FRMPD4: variants seen among roughly 807,000 people sequenced by gnomAD.
FRMPD4 encodes the protein FERM and PDZ domain-containing protein 4.
Under a neutral mutation model 94.1 loss-of-function variants are expected in FRMPD4, and 22 were observed. The ratio of observed to expected loss-of-function variants is 0.23; its 90% CI spans 0.17 to 0.33. FRMPD4 has a LOEUF of 0.33. Among genes scored for constraint, FRMPD4 ranks in the 10% least tolerant of loss-of-function variants. The pLI is 1.00. For synonymous variants in FRMPD4, 631 were observed against 548.6 expected (o/e 1.15, Z -2.10); for missense variants, 1,111 against 1,339.9 (o/e 0.83, Z 2.67).
At chrX:12,292,983 T>A (rs761439223) in intron 1 of FRMPD4, among the ~76,000 whole-genome samples, 5 of 109,801 alleles carry the variant, frequency 4.6e-5, no homozygotes, top group African/African-American at 1.7e-4. Flanking sequence ...TTTTTTTTTT[T>A]AATGAGAGCT....
intron 1 of FRMPD4, among the ~76,000 whole-genome samples, chrX:12,217,121 T>C (rs1297142770): frequency 8.9e-6 from 1 of 112,232 alleles, no homozygotes; most frequent in Non-Finnish European, 1.9e-5. Flanking sequence ...CAACTAAAAA[T>C]GTCAGTGGAC....
At chrX:12,271,492 A>G (rs768366689) in intron 1 of FRMPD4, among the ~76,000 whole-genome samples, 7 of 112,000 alleles carry the variant, frequency 6.3e-5, no homozygotes, top group African/African-American at 1.9e-4. Context: ...TTTTCTGCGT[A>G]GGTGTGGGAT....
intron 3 of FRMPD4, among the ~76,000 whole-genome samples, chrX:12,132,236 AG>A (rs1301135719): frequency 3.4e-5 from 3 of 87,788 alleles, no homozygotes; most frequent in Non-Finnish European, 4.4e-5. Context: ...GAGGTTTAGG[AG>A]GGAAAAAAAA....
At position 12,548,614 on chromosome X, in the gene FRMPD4, C is replaced by T. The variant is rs934406512; in HGVS notation, c.158+49818C>T. Among the ~76,000 whole-genome samples, 4 of 112,712 alleles carry T rather than the reference C, an allele frequency of 3.5e-5. No homozygotes were observed. The East Asian group carries it at 8.3e-4, about 23-fold the overall frequency. ...CCTTGGTTCTCACTACAAGGTGTCACTAAGGCACAGCATTCATTTCCAATG... is the reference window on the plus strand; with the variant it reads ...CCTTGGTTCTCACTACAAGGTGTCATTAAGGCACAGCATTCATTTCCAATG... On this transcript the variant is annotated intron_variant, in intron 2 of 16. Transcript: ENST00000675598.
intron 8 of FRMPD4, among the ~76,000 whole-genome samples, chrX:12,691,273 GTTTT>G (rs1239791791): frequency 9.2e-6 from 1 of 108,541 alleles, no homozygotes; most frequent in African/African-American, 3.4e-5. Flanking sequence ...TGTTGTTGTT[GTTTT>G]GTTTTGTTTT....
At chrX:12,539,897 G>A (rs1312580363) in intron 2 of FRMPD4, among the ~76,000 whole-genome samples, 4 of 112,284 alleles carry the variant, frequency 3.6e-5, no homozygotes, top group Admixed American at 9.4e-5. Flanking sequence ...GCCTCCCAAA[G>A]TGCTGGGATT....
intron 1 of FRMPD4, among the ~76,000 whole-genome samples, chrX:12,404,822 A>AATAG (rs984066084): frequency 8.9e-6 from 1 of 111,978 alleles, no homozygotes; most frequent in African/African-American, 3.2e-5. Context: ...CCAAATAGAA[A>AATAG]ATAGATTCAG....
intron 1 of FRMPD4, among the ~76,000 whole-genome samples, chrX:12,219,146 T>A (rs1021414585): frequency 9.0e-6 from 1 of 111,295 alleles, no homozygotes; most frequent in African/African-American, 3.3e-5. Context: ...AGATGGGAGG[T>A]TCACCCGATC....
chrX:11,857,935 C>CA (rs1400885538), intron 1 of FRMPD4, among the ~76,000 whole-genome samples: 12 of 111,959 alleles, frequency 1.1e-4, no homozygotes, highest in Non-Finnish European at 2.3e-4. Context: ...TACATGTAGC[C>CA]AACAATCATA....
chrX:12,205,439 G>A (rs2056681299), intron 1 of FRMPD4, among the ~76,000 whole-genome samples: 1 of 112,047 alleles, frequency 8.9e-6, no homozygotes, highest in Non-Finnish European at 1.9e-5. Context: ...AAGGTAAGAG[G>A]ATTCTTATTT....
intron 3 of FRMPD4, 77 bp downstream of exon 3, chrX:12,609,958 A>T (rs1216409812): frequency 2.1e-6 from 2 of 942,665 alleles, no homozygotes; most frequent in African/African-American, 1.9e-5. Context: ...GTTCAGTTTC[A>T]TAAGTGTCCA....
At chrX:11,893,767 A>G (rs146130387) in intron 3 of FRMPD4, among the ~76,000 whole-genome samples, 10 of 111,562 alleles carry the variant, frequency 9.0e-5, no homozygotes, top group Non-Finnish European at 1.9e-4. Flanking sequence ...TGCAACTACC[A>G]TCCAAGGATT....
intron 3 of FRMPD4, among the ~76,000 whole-genome samples, chrX:12,061,784 T>C (rs2054888271): frequency 8.9e-6 from 1 of 111,880 alleles, no homozygotes; most frequent in Admixed American, 9.5e-5. Context: ...TTCATGCATT[T>C]TTCTGTTCCA....
chrX:12,453,929 T>G (rs1012478001), intron 1 of FRMPD4, among the ~76,000 whole-genome samples: 19 of 112,555 alleles, frequency 1.7e-4, no homozygotes, highest in Admixed American at 1.0e-3. Context: ...CATTCAAATT[T>G]TATTCTTCTG....
intron 1 of FRMPD4, among the ~76,000 whole-genome samples, chrX:12,339,619 A>T (rs2055578373): frequency 9.8e-6 from 1 of 101,870 alleles, no homozygotes; most frequent in Non-Finnish European, 2.0e-5. Flanking sequence ...AGTTTAATGA[A>T]TTTTTTTTTT....
At chrX:11,980,014 C>A (rs2054388818) in intron 3 of FRMPD4, among the ~76,000 whole-genome samples, 1 of 111,686 alleles carries the variant, frequency 9.0e-6, no homozygotes, top group South Asian at 3.7e-4. Flanking sequence ...TGTGTGTGTG[C>A]ACGCACGCTC....
At chrX:12,181,880 C>T (rs900329119) in intron 1 of FRMPD4, among the ~76,000 whole-genome samples, 1 of 111,560 alleles carries the variant, frequency 9.0e-6, no homozygotes, top group African/African-American at 3.3e-5. Flanking sequence ...TTTCATTTTC[C>T]GGCAGCCTTT....
chrX:12,129,613 C>T, intron 3 of FRMPD4, among the ~76,000 whole-genome samples: 1 of 111,880 alleles, frequency 8.9e-6, no homozygotes, highest in Non-Finnish European at 1.9e-5. Flanking sequence ...TACCCATCCT[C>T]TTATCTCCAC....
upstream of FRMPD4, chrX:12,138,342 T>G: frequency 8.7e-6 from 1 of 114,935 alleles, no homozygotes; most frequent in Non-Finnish European, 1.8e-5. Context: ...CAGTGTGCCA[T>G]AGACTGTTAG....
Sources: allele counts gnomAD v4.1 joint callset (sites outside exome capture counted in the v4.1 genomes callset), GRCh38; gene constraint gnomAD v4.1.1; transcripts MANE v1.5; gene names NCBI Gene and HGNC (gene_info 2026-07-23, HGNC 2026-07-21).